Variants in DHRS3 observed in about 807,000 individuals in gnomAD.
DHRS3 encodes the protein dehydrogenase/reductase 3.
In DHRS3, 14 loss-of-function variants were observed where a neutral mutation model predicts 27.2. The observed-to-expected ratio is 0.52, with a 90% CI of 0.34 to 0.81. The LOEUF is 0.81. Ranked by LOEUF, DHRS3 falls within the 30% of genes least tolerant of loss-of-function variation. DHRS3 has a pLI of 0.01. For missense variants in DHRS3, 322 were observed against 406.2 expected (o/e 0.79, Z 1.78); for synonymous variants, 165 against 175.9 (o/e 0.94, Z 0.49).
At chr1:12,617,053 G>C (rs1302250787) in intron 1 of DHRS3, 101 bp downstream of exon 1, 1 of 1,353,994 alleles carries the variant, frequency 7.4e-7, no homozygotes, top group South Asian at 1.4e-5. Context: ...TGGGGTGGCC[G>C]GCGACTCTCA....
chr1:12,578,637 T>G lies in DHRS3; in HGVS notation c.698+81A>C. 7.2e-7 allele frequency: 1 copy of G among 1,387,778 alleles called. No homozygotes were observed. The highest frequency in any genetic ancestry group is 1.2e-5 in the South Asian group (1 of 83,008). The allele number at this position is 1,387,778 out of a possible 1,614,324, so 86.0% of individuals were successfully genotyped here. ...CCTAGCCCGATTTTTATATCAGAGC[T>G]CTTTCTGCAGTTGGCTGACTGAATG... On this transcript the variant is annotated intron_variant, in intron 4 of 5. Coordinates refer to ENST00000616661, the MANE Select transcript of DHRS3 (RefSeq NM_004753.7). The surrounding 1 kb of genome is among the most constrained non-coding windows in gnomAD (Gnocchi z 4.5).
chr1:12,581,460 T>G (rs3128451), intron 1 of DHRS3, among the ~76,000 whole-genome samples: 79,419 of 151,926 alleles, frequency 0.52, 21,379 homozygotes, highest in East Asian at 0.65. Context: ...CCATCTAGCT[T>G]CAGTCACTCC....
chr1:12,570,561 G>A (rs940828561), intron 5 of DHRS3, among the ~76,000 whole-genome samples: 2 of 152,228 alleles, frequency 1.3e-5, no homozygotes, highest in Non-Finnish European at 2.9e-5. Flanking sequence ...AGAGAATGGG[G>A]AGCGGGGTGG....
At chr1:12,609,896 C>T (rs1188778305) in intron 1 of DHRS3, among the ~76,000 whole-genome samples, 1 of 152,174 alleles carries the variant, frequency 6.6e-6, no homozygotes, top group African/African-American at 2.4e-5. Context: ...CTGTCCTCTT[C>T]CTGGAATGCT....
rs569831026 is a variant in DHRS3 at position 12,578,322 on chromosome 1, T to G, written c.698+396A>C. Among the ~76,000 whole-genome samples, 1 of 152,270 alleles carries G rather than the reference T, an allele frequency of 6.6e-6. No homozygotes were observed. Among genetic ancestry groups the G allele is most frequent in the East Asian group, 1.9e-4 (1 of 5,178 alleles). On this transcript the variant is annotated intron_variant, in intron 4 of 5. Transcript: ENST00000616661. This position sits in a 1 kb window ranked among gnomAD's most constrained non-coding sequence, Gnocchi z 4.5. Reference sequence around the variant, plus strand: ...GGGTAGAGGCTCCTTGGTGACTTTTTGTTTTGAGACAGGGTCTCACTCTCT... The same window carrying G: ...GGGTAGAGGCTCCTTGGTGACTTTTGGTTTTGAGACAGGGTCTCACTCTCT...
At chr1:12,571,968 C>A (rs189913508) in intron 5 of DHRS3, among the ~76,000 whole-genome samples, 1 of 152,234 alleles carries the variant, frequency 6.6e-6, no homozygotes, top group Admixed American at 6.5e-5. Flanking sequence ...ATATAAGAAT[C>A]CAATTGTCTT....
At chr1:12,583,634 C>CAT (rs1391254533) in intron 1 of DHRS3, among the ~76,000 whole-genome samples, 12 of 148,302 alleles carry the variant, frequency 8.1e-5, no homozygotes, top group Admixed American at 3.3e-4. Flanking sequence ...TCCATCCATC[C>CAT]CTCCCTCACA....
At position 12,579,085 on chromosome 1, in the gene DHRS3, A is replaced by C. The variant is rs553115276; in HGVS notation, c.460-129T>G. The C allele has an allele frequency of 9.0e-6, 11 of 1,220,202 alleles. No homozygotes were observed. In the South Asian group the frequency reaches 1.4e-4, roughly 16 times the overall value. The allele number at this position is 1,220,202 out of a possible 1,614,324, so 75.6% of individuals were successfully genotyped here. A position where few individuals can be genotyped will look rare whatever the true frequency, so the allele number is the denominator to read the frequency against. ...GGGCCCGAGCCTTCCTGCGAGGGAG[A>C]GGGCCGAGGGCTCCCTGCCCCAGGA... On this transcript the variant is annotated intron_variant, in intron 3 of 5. Transcript: ENST00000616661.
intron 5 of DHRS3, among the ~76,000 whole-genome samples, chr1:12,572,042 T>C (rs1646542601): frequency 6.6e-6 from 1 of 152,236 alleles, no homozygotes; most frequent in Non-Finnish European, 1.5e-5. Flanking sequence ...CTACATTTAT[T>C]TTGTTTTAGA....
At chr1:12,600,477 G>A (rs1162673824) in intron 1 of DHRS3, 1 of 804,608 alleles carries the variant, frequency 1.2e-6, no homozygotes, top group African/African-American at 1.9e-5. Flanking sequence ...GTAAGAACAC[G>A]GGCCGTGCAG....
At chr1:12,606,859 A>C (rs1378106036) in intron 1 of DHRS3, among the ~76,000 whole-genome samples, 1 of 152,194 alleles carries the variant, frequency 6.6e-6, no homozygotes, top group Non-Finnish European at 1.5e-5. Flanking sequence ...AAGAACTGTA[A>C]GAGAGGATGA....
chr1:12,578,990 T>C lies in DHRS3; in HGVS notation c.460-34A>G, dbSNP rs2275874. ...AGATGGGGTGTCAGGGTGGAGCAGC[T>C]GCAGCTCTGACAACCCCTCCACCTT... On this transcript the variant is annotated intron_variant, in intron 3 of 5. Transcript: ENST00000616661. This position sits in a 1 kb window ranked among gnomAD's most constrained non-coding sequence, Gnocchi z 4.5. 764,425 of 1,573,772 alleles carry C rather than the reference T, an allele frequency of 0.49. 192,058 individuals carry two copies. Among genetic ancestry groups the C allele is most frequent in the African/African-American group, 0.84 (62,179 of 74,410 alleles).
intron 1 of DHRS3, among the ~76,000 whole-genome samples, chr1:12,611,702 C>T (rs1050825980): frequency 1.3e-5 from 2 of 152,078 alleles, no homozygotes. Flanking sequence ...AATTTTTGAG[C>T]GTGCCGGGAT....
At chr1:12,579,889 C>T (rs576755162) in intron 2 of DHRS3, 6 of 173,300 alleles carry the variant, frequency 3.5e-5, no homozygotes, top group South Asian at 2.7e-4. Flanking sequence ...TATTCCTTCC[C>T]GCAGGCCACT....
At chr1:12,617,113 C>T (rs779827768) in intron 1 of DHRS3, 41 bp downstream of exon 1, 13 of 1,580,900 alleles carry the variant, frequency 8.2e-6, no homozygotes, top group South Asian at 3.4e-5. Flanking sequence ...TTACCCCCGC[C>T]CCTGCGGCCC....
Position 12,568,949 on chromosome 1 carries a change from G to A in DHRS3, c.825-525C>T, listed in dbSNP as rs979516348. On this transcript the variant is annotated intron_variant, in intron 5 of 5. Transcript: ENST00000616661. ...CTCAAAAATTCTTTTCAGACTGGGC[G>A]TGGTGGCTCATGCCTGTAATCCCAG... Among the ~76,000 whole-genome samples the A allele has an allele frequency of 3.9e-5, 6 of 152,178 alleles. 1 individual carries two copies. Among genetic ancestry groups the A allele is most frequent in the East Asian group, 1.9e-4 (1 of 5,178 alleles).
chr1:12,584,187 C>T (rs1250025875), intron 1 of DHRS3, among the ~76,000 whole-genome samples: 5 of 151,956 alleles, frequency 3.3e-5, no homozygotes, highest in African/African-American at 1.2e-4. Context: ...GAGAGGAAAG[C>T]TTAAAGCTGG....
chr1:12,570,392 G>A (rs2100639114), intron 5 of DHRS3, among the ~76,000 whole-genome samples: 1 of 152,306 alleles, frequency 6.6e-6, no homozygotes, highest in Admixed American at 6.5e-5. Flanking sequence ...AGGGCCCTCA[G>A]GCTGTTTGGT....
chr1:12,592,746 G>C lies in DHRS3; in HGVS notation c.196-12080C>G, dbSNP rs1298862781. Among the ~76,000 whole-genome samples the C allele has an allele frequency of 1.3e-5, 2 of 152,194 alleles. No homozygotes were observed. Among genetic ancestry groups the C allele is most frequent in the South Asian group, 2.1e-4 (1 of 4,838 alleles). ...CCTCATTCAATAGAGGAGGCCAAGC[G>C]AGGCCCAGCCCCAGGCTCCCGAGGC... On this transcript the variant is annotated intron_variant, in intron 1 of 5. Coordinates refer to ENST00000616661, the MANE Select transcript of DHRS3 (RefSeq NM_004753.7). The surrounding 1 kb of genome is among the most constrained non-coding windows in gnomAD (Gnocchi z 4.2).
Sources: gnomAD v4.1 joint callset for allele counts (sites outside exome capture counted in the v4.1 genomes callset) on GRCh38, gnomAD v4.1.1 for gene constraint, Gnocchi (gnomAD v3.1) non-coding constraint, MANE v1.5 for transcripts, NCBI Gene and HGNC (gene_info 2026-07-23, HGNC 2026-07-21) for gene names.